The following OCA2 variants were observed in gnomAD, a reference collection of about 807,000 sequenced individuals.
The protein encoded by OCA2 is OCA2 melanosomal transmembrane protein.
In OCA2, 77 loss-of-function variants were observed where a neutral mutation model predicts 100.2. That is an observed-to-expected ratio of 0.77 (90% CI 0.64 to 0.93). The LOEUF (loss-of-function observed/expected upper bound fraction) is 0.93. Among genes scored for constraint, OCA2 ranks in the 40% least tolerant of loss-of-function variants. OCA2 has a pLI of 0.00. For synonymous variants in OCA2, 432 were observed against 439.2 expected (o/e 0.98, Z 0.21); for missense variants, 1,062 against 1,089.1 (o/e 0.98, Z 0.35).
At chr15:27,994,770 T>A (rs542972051) in intron 9 of OCA2, among the ~76,000 whole-genome samples, 1 of 152,138 alleles carries the variant, frequency 6.6e-6, no homozygotes, top group African/African-American at 2.4e-5. Flanking sequence ...AGGAAAGAGT[T>A]TGGGGGCAGC....
chr15:27,806,340 G>A (rs2033846109), intron 23 of OCA2, among the ~76,000 whole-genome samples: 2 of 152,208 alleles, frequency 1.3e-5, no homozygotes, highest in Non-Finnish European at 2.9e-5. Flanking sequence ...GCAGGTTTGC[G>A]CCATGGTTCA....
intron 23 of OCA2, among the ~76,000 whole-genome samples, chr15:27,766,895 T>C (rs1266525840): frequency 2.0e-5 from 3 of 152,120 alleles, no homozygotes; most frequent in African/African-American, 4.8e-5. Context: ...TGCCTGCTCT[T>C]TACAAACTGG....
At chr15:28,036,026 C>T (rs1408291755) in intron 2 of OCA2, among the ~76,000 whole-genome samples, 1 of 152,158 alleles carries the variant, frequency 6.6e-6, no homozygotes, top group African/African-American at 2.4e-5. Flanking sequence ...TACATATTCA[C>T]GTATACAAAT....
At chr15:27,722,907 T>A in the OCA2 span, among the ~76,000 whole-genome samples, 1 of 151,762 alleles carries the variant, frequency 6.6e-6, no homozygotes, top group East Asian at 1.9e-4. Context: ...AGTGGCGTGA[T>A]CTTGACTCTT....
chr15:27,875,727 T>C (rs1420545548), intron 19 of OCA2, among the ~76,000 whole-genome samples: 1 of 152,068 alleles, frequency 6.6e-6, no homozygotes, highest in Non-Finnish European at 1.5e-5. Flanking sequence ...ATAGGAATCT[T>C]GAGCATACTT....
At chr15:28,013,703 C>A (rs2042303764) in intron 9 of OCA2, among the ~76,000 whole-genome samples, 1 of 152,178 alleles carries the variant, frequency 6.6e-6, no homozygotes, top group African/African-American at 2.4e-5. Context: ...TCCTGGGTTC[C>A]TCCAGGCTCA....
At chr15:27,872,369 A>C (rs1222592021) in intron 19 of OCA2, among the ~76,000 whole-genome samples, 2 of 152,238 alleles carry the variant, frequency 1.3e-5, no homozygotes, top group African/African-American at 4.8e-5. Context: ...AGAAAGGAAA[A>C]GTCTATTTAA....
At chr15:27,863,508 G>A (rs568861566) in intron 21 of OCA2, among the ~76,000 whole-genome samples, 1 of 152,310 alleles carries the variant, frequency 6.6e-6, no homozygotes, top group South Asian at 2.1e-4. Context: ...TCTGACTCAA[G>A]GGTCTGAGCA....
In OCA2 at chr15:28,035,179, A is replaced by AAC. The variant is rs1182025824; in HGVS notation, c.228-3018_228-3017dup. ...ATCTGGCTGATTTTTATTACTGTTT[A>AAC]ACACTTACATTTATGCACTTTGTGT... On this transcript the variant is annotated intron_variant, in intron 2 of 23. Coordinates refer to ENST00000354638, the MANE Select transcript of OCA2 (RefSeq NM_000275.3). Among the ~76,000 whole-genome samples the AAC allele has an allele frequency of 7.9e-5, 12 of 152,350 alleles. No homozygotes were observed. In the East Asian group the frequency reaches 2.3e-3, roughly 29 times the overall value.
At chr15:27,792,020 C>T (rs924769233) in intron 23 of OCA2, among the ~76,000 whole-genome samples, 3 of 152,202 alleles carry the variant, frequency 2.0e-5, no homozygotes, top group Non-Finnish European at 4.4e-5. Context: ...GACTGTGTGT[C>T]TCCACTTCCC....
chr15:27,975,326 G>A (rs2040932303), intron 14 of OCA2, among the ~76,000 whole-genome samples: 1 of 152,178 alleles, frequency 6.6e-6, no homozygotes, highest in African/African-American at 2.4e-5. Flanking sequence ...TCTAAAGAGT[G>A]TAATGAAGTA....
the OCA2 span, among the ~76,000 whole-genome samples, chr15:27,749,141 C>T: frequency 6.6e-6 from 1 of 151,980 alleles, no homozygotes; most frequent in Non-Finnish European, 1.5e-5. Flanking sequence ...ACAATAAACT[C>T]AAAGAAATCC....
the OCA2 span, among the ~76,000 whole-genome samples, chr15:27,728,253 G>A: frequency 6.6e-6 from 1 of 152,106 alleles, no homozygotes; most frequent in Non-Finnish European, 1.5e-5. Flanking sequence ...TGGGACAGTC[G>A]TAGACATTTC....
Position 27,983,518 on chromosome 15 carries a change from C to T in OCA2, c.1365-35G>A, listed in dbSNP as rs775500179. The T allele has an allele frequency of 2.4e-5, 39 of 1,613,202 alleles. 3 individuals carry two copies. The South Asian group carries it at 4.2e-4, about 17-fold the overall frequency. On this transcript the variant is annotated intron_variant, in intron 13 of 23. Transcript: ENST00000354638. ...ATGGAGGAAAATGAAAGTAGTCCCA[C>T]TATACACATCGTGAAAGGCCCACAT...
At chr15:28,000,496 A>C (rs74565064) in intron 9 of OCA2, among the ~76,000 whole-genome samples, 2,185 of 152,330 alleles carry the variant, frequency 0.014, 25 homozygotes, top group Non-Finnish European at 0.022. Context: ...TAAGACTTGA[A>C]ACTGTAAAAC....
intron 23 of OCA2, among the ~76,000 whole-genome samples, chr15:27,820,448 C>G (rs1407014110): frequency 6.6e-6 from 1 of 152,220 alleles, no homozygotes; most frequent in Non-Finnish European, 1.5e-5. Flanking sequence ...ATCCACAACC[C>G]TGGTCAAATC....
At chr15:27,983,263 C>A (rs995720401) in intron 14 of OCA2, 82 bp downstream of exon 14, 1 of 1,555,694 alleles carries the variant, frequency 6.4e-7, no homozygotes, top group African/African-American at 1.4e-5. Context: ...TGATTTCTAA[C>A]AAAGGCGTCC....
intron 18 of OCA2, among the ~76,000 whole-genome samples, chr15:27,935,252 C>G (rs563048899): frequency 6.6e-6 from 1 of 152,178 alleles, no homozygotes; most frequent in South Asian, 2.1e-4. Flanking sequence ...CGTGACCTGT[C>G]TTTATCCTGT....
chr15:27,922,680 GGT>G (rs60426286), intron 19 of OCA2, among the ~76,000 whole-genome samples: 2,798 of 147,072 alleles, frequency 0.019, 58 homozygotes, highest in African/African-American at 0.052. Context: ...TTTTGTTTGG[GGT>G]GTGTGTGTGT....
Sources: allele counts gnomAD v4.1 joint callset (sites outside exome capture counted in the v4.1 genomes callset), GRCh38; gene constraint gnomAD v4.1.1; transcripts MANE v1.5; gene names NCBI Gene and HGNC (gene_info 2026-07-23, HGNC 2026-07-21).